TOP1MT: variants seen among roughly 807,000 people sequenced by gnomAD.
The protein encoded by TOP1MT is DNA topoisomerase I mitochondrial, also known as DNA topoisomerase I, mitochondrial.
In TOP1MT, 80 loss-of-function variants were observed where a neutral mutation model predicts 73.9. That is an observed-to-expected ratio of 1.08 (90% CI 0.90 to 1.30). The LOEUF is 1.30. TOP1MT is among the 50% of genes most tolerant of loss of function. The probability of loss-of-function intolerance (pLI) is 0.00; values close to 1 mark genes in which losing one functional copy is unlikely to be tolerated. For missense variants in TOP1MT, 815 were observed against 808.0 expected (o/e 1.01, Z -0.10); for synonymous variants, 338 against 326.4 (o/e 1.04, Z -0.38).
At chr8:143,309,605 G>C (rs898639179) in intron 13 of TOP1MT, 62 bp from the exon 14 acceptor site, 5 of 1,604,556 alleles carry the variant, frequency 3.1e-6, no homozygotes, top group Non-Finnish European at 4.2e-6. Context: ...GGCCAGGTCA[G>C]GGTGCTCGGC....
At chr8:143,328,835 C>T (rs992477968) in intron 3 of TOP1MT, among the ~76,000 whole-genome samples, 5 of 152,190 alleles carry the variant, frequency 3.3e-5, no homozygotes, top group African/African-American at 4.8e-5. Context: ...ACAGAAACCC[C>T]GGAGGGCACA....
chr8:143,349,535 T>C (rs1226554096), upstream of TOP1MT, among the ~76,000 whole-genome samples: 6 of 152,192 alleles, frequency 3.9e-5, no homozygotes, highest in Non-Finnish European at 5.9e-5. Flanking sequence ...CCCCCCAGCA[T>C]GCTCTTCGTT....
At chr8:143,351,911 C>A (rs1817327040) in intron 1 of TOP1MT, among the ~76,000 whole-genome samples, 1 of 152,168 alleles carries the variant, frequency 6.6e-6, no homozygotes. Context: ...TGGAGAAACC[C>A]CCTCTCTATT....
At chr8:143,317,009 C>A (rs1407352534) in intron 10 of TOP1MT, among the ~76,000 whole-genome samples, 2 of 152,246 alleles carry the variant, frequency 1.3e-5, no homozygotes, top group African/African-American at 2.4e-5. Flanking sequence ...GTCCCCAGGG[C>A]AGCACAGCAC....
intron 5 of TOP1MT, 77 bp downstream of exon 5, chr8:143,325,269 C>T: frequency 1.5e-6 from 2 of 1,319,396 alleles, no homozygotes; most frequent in Non-Finnish European, 2.1e-6. Flanking sequence ...CCTCCCTCTC[C>T]CAGGAGGTGA....
At chr8:143,310,248 C>A (rs1815974944) in intron 12 of TOP1MT, 31 bp from the exon 13 acceptor site, 1 of 1,466,156 alleles carries the variant, frequency 6.8e-7, no homozygotes, top group Non-Finnish European at 9.0e-7. Flanking sequence ...CGCGAGGCCC[C>A]GCGCTGGACT....
intron 1 of TOP1MT, chr8:143,350,313 T>C (rs1477238259): frequency 6.6e-6 from 1 of 152,158 alleles, no homozygotes; most frequent in East Asian, 1.9e-4. Flanking sequence ...ACCATCACTC[T>C]TTCTTTCTTT....
Position 143,321,459 on chromosome 8 carries a change from G to A in TOP1MT, c.961-73C>T, listed in dbSNP as rs564261199. The A allele has an allele frequency of 2.4e-4, 241 of 1,025,000 alleles. 2 individuals carry two copies. The African/African-American group carries it at 3.9e-3, about 17-fold the overall frequency. 63.5% of individuals were successfully genotyped at this position (1,025,000 alleles called of 1,614,324 possible). A position where few individuals can be genotyped will look rare whatever the true frequency, so the allele number is the denominator to read the frequency against. On this transcript the variant is annotated intron_variant, in intron 7 of 13. Coordinates refer to ENST00000329245, the MANE Select transcript of TOP1MT (RefSeq NM_052963.3). ...CCACACACACGCACGCCACACACAC[G>A]CACGCCACACACGCACGCCACACGC...
chr8:143,315,849 G>A, intron 11 of TOP1MT, 28 bp from the exon 12 acceptor site: 1 of 1,609,846 alleles, frequency 6.2e-7, no homozygotes, highest in Non-Finnish European at 8.5e-7. Context: ...AGACAGGGCT[G>A]CCCCTCCCCA....
intron 8 of TOP1MT, among the ~76,000 whole-genome samples, chr8:143,318,602 G>T (rs913240612): frequency 2.0e-5 from 3 of 152,156 alleles, no homozygotes; most frequent in African/African-American, 7.2e-5. Flanking sequence ...AGTTTCACCT[G>T]CTGGTCCTCC....
rs138642876 is a variant in TOP1MT at position 143,324,495 on chromosome 8, G to C, written c.806C>G (p.Ser269Trp). Residue 269 changes from serine (S) to tryptophan (W), a missense_variant, in exon 6 of 14, where the codon TCG (serine) becomes TGG (tryptophan). By Grantham distance (177) the Ser-to-Trp change is radical (BLOSUM62 -3). Around this residue, in one of 3 missense-constraint regions of TOP1MT, gnomAD observed 751 missense variants for 725.4 expected, o/e 1.04. Transcript: ENST00000329245. Reference sequence around the variant, plus strand: ...AAGCCCTGCGCTCACCTTCAGCTTCGAGCAAGGGTTCAGCATGATGTACTT... The same window carrying C: ...AAGCCCTGCGCTCACCTTCAGCTTCCAGCAAGGGTTCAGCATGATGTACTT... ...SIKYIMLNPCSKLKGETAWQK... is the reference protein window; with the variant it reads ...SIKYIMLNPCWKLKGETAWQK... The C allele has an allele frequency of 6.2e-7, 1 of 1,613,934 alleles. No homozygotes were observed. Among genetic ancestry groups the C allele is most frequent in the South Asian group, 1.1e-5 (1 of 91,072 alleles).
intron 13 of TOP1MT, 134 bp downstream of exon 13, chr8:143,309,934 C>T (rs61745891): frequency 6.3e-7 from 1 of 1,595,238 alleles, no homozygotes; most frequent in Non-Finnish European, 8.5e-7. Context: ...TCATGGGTCC[C>T]TGTCACAGGG....
intron 2 of TOP1MT, among the ~76,000 whole-genome samples, chr8:143,340,295 A>C (rs1817054614): frequency 1.1e-5 from 1 of 91,110 alleles, no homozygotes; most frequent in African/African-American, 4.1e-5. Flanking sequence ...CCCTCCCAGC[A>C]CCGGTCTGCA....
intron 7 of TOP1MT, among the ~76,000 whole-genome samples, chr8:143,323,402 CCACA>C (rs747452169): frequency 3.3e-5 from 4 of 119,706 alleles, no homozygotes; most frequent in African/African-American, 1.4e-4. Context: ...CACAGGCACG[CCACA>C]CACGCACGCC....
chr8:143,339,063 T>C (rs1563769975), upstream of TOP1MT, among the ~76,000 whole-genome samples: 1 of 152,108 alleles, frequency 6.6e-6, no homozygotes, highest in Non-Finnish European at 1.5e-5. Flanking sequence ...CTGATACCTA[T>C]AAAGACGTTT....
At chr8:143,317,220 C>T (rs370071853) in intron 10 of TOP1MT, among the ~76,000 whole-genome samples, 1 of 152,284 alleles carries the variant, frequency 6.6e-6, no homozygotes, top group African/African-American at 2.4e-5. Flanking sequence ...GCAGGGGCAG[C>T]GCCAGGGACA....
intron 3 of TOP1MT, among the ~76,000 whole-genome samples, chr8:143,326,697 G>A (rs551429972): frequency 6.6e-6 from 1 of 152,210 alleles, no homozygotes; most frequent in African/African-American, 2.4e-5. Context: ...ATGAAAACCC[G>A]GATGACGACC....
intron 12 of TOP1MT, among the ~76,000 whole-genome samples, chr8:143,314,094 A>C (rs1390693391): frequency 1.3e-5 from 2 of 152,076 alleles, no homozygotes; most frequent in East Asian, 1.9e-4. Flanking sequence ...CTGACCCTAC[A>C]GTGGCGCCTG....
At chr8:143,322,642 G>GT (rs1563759738) in intron 7 of TOP1MT, among the ~76,000 whole-genome samples, 27 of 9,568 alleles carry the variant, frequency 2.8e-3, no homozygotes, top group African/African-American at 8.2e-3. Flanking sequence ...ACACACACAC[G>GT]CCACACGCAC....
Sources: gnomAD v4.1 joint callset for allele counts (sites outside exome capture counted in the v4.1 genomes callset) on GRCh38, gnomAD v4.1.1 for gene constraint, gnomAD v4.1.1 regional missense constraint, MANE v1.5 for transcripts, NCBI Gene and HGNC (gene_info 2026-07-23, HGNC 2026-07-21) for gene names.